Variants in JHY observed in about 807,000 individuals in gnomAD.
The protein encoded by JHY is junctional cadherin complex regulator.
Under a neutral mutation model 78.0 loss-of-function variants are expected in JHY, and 69 were observed. The observed-to-expected ratio is 0.88, with a 90% CI of 0.73 to 1.08. The LOEUF (loss-of-function observed/expected upper bound fraction) is 1.08. JHY is among the 50% of genes least tolerant of loss of function. The pLI is 0.00. For synonymous variants in JHY, 368 were observed against 342.6 expected, an observed-to-expected ratio of 1.07 and a Z score of -0.82; for missense variants, 944 against 927.8, an observed-to-expected ratio of 1.02 and a Z score of -0.23.
intron 2 of JHY, among the ~76,000 whole-genome samples, chr11:122,902,859 G>A (rs1862891472): frequency 6.6e-6 from 1 of 152,138 alleles, no homozygotes; most frequent in South Asian, 2.1e-4. Context: ...CTCCAACATT[G>A]GGGATTACAG....
intron 2 of JHY, among the ~76,000 whole-genome samples, chr11:122,902,590 A>G (rs976471346): frequency 6.6e-6 from 1 of 152,202 alleles, no homozygotes; most frequent in Non-Finnish European, 1.5e-5. Flanking sequence ...CACAGGCTCT[A>G]CAGGAAGTAT....
intron 1 of JHY, 149 bp from the exon 2 acceptor site, chr11:122,885,612 A>G (rs894507260): frequency 1.9e-5 from 8 of 428,026 alleles, no homozygotes; most frequent in African/African-American, 1.4e-4. Context: ...TTGTTTTTCT[A>G]ATAGACCTTT....
intron 2 of JHY, among the ~76,000 whole-genome samples, chr11:122,901,962 G>A (rs952433426): frequency 4.0e-5 from 6 of 151,882 alleles, no homozygotes; most frequent in Non-Finnish European, 8.8e-5. Context: ...CACAGGGTTC[G>A]AATCATCAAT....
chr11:122,923,883 A>ATTTTTTTTT (rs760512913), intron 3 of JHY, among the ~76,000 whole-genome samples: 20 of 100,504 alleles, frequency 2.0e-4, no homozygotes, highest in African/African-American at 4.5e-4. Flanking sequence ...CGCCTGGCTA[A>ATTTTTTTTT]TTTTTTTTTT....
rs747294009 is a variant in JHY, at chr11:122,959,397, A to G, written c.2289A>G (p.Glu763=). The part of the protein sequence containing the change: ...SLLEILQNRH[E]REKQAVAAFK... ...TGGAAATACTGCAGAACAGACACGA[A>G]AGGGAAAAACAGGCTGTGGCTGCTT... The change falls in exon 9 of 9, where the codon GAA becomes GAG. Residue 763 remains glutamate, a synonymous_variant. Coordinates refer to ENST00000227349, the MANE Select transcript of JHY (RefSeq NM_024806.4). 1.6e-5 allele frequency: 26 copies of G among 1,614,038 alleles called. No individual in the cohort carries two copies. Among genetic ancestry groups the G allele is most frequent in the Non-Finnish European group, 1.9e-5 (23 of 1,180,004 alleles).
chr11:122,905,259 A>G (rs1221919501), intron 3 of JHY: 3 of 1,613,900 alleles, frequency 1.9e-6, no homozygotes, highest in South Asian at 1.1e-5. Context: ...AGGTGCACAT[A>G]AAGACCTTCC....
At chr11:122,924,051 T>A (rs1863439043) in intron 3 of JHY, among the ~76,000 whole-genome samples, 1 of 152,106 alleles carries the variant, frequency 6.6e-6, no homozygotes, top group Admixed American at 6.6e-5. Context: ...TAAATTTTTT[T>A]AAATAGTAGA....
intron 3 of JHY, among the ~76,000 whole-genome samples, chr11:122,920,618 T>C (rs1329377312): frequency 6.6e-6 from 1 of 152,198 alleles, no homozygotes; most frequent in Non-Finnish European, 1.5e-5. Context: ...GAGCAAGAAG[T>C]AGCAGCCCAA....
chr11:122,916,245 C>G (rs1484244988), intron 3 of JHY, among the ~76,000 whole-genome samples: 1 of 152,122 alleles, frequency 6.6e-6, no homozygotes, highest in Non-Finnish European at 1.5e-5. Context: ...CCCCACATAT[C>G]TTGTTCAATA....
intron 4 of JHY, among the ~76,000 whole-genome samples, chr11:122,930,871 A>G (rs2135349901): frequency 6.6e-6 from 1 of 152,362 alleles, no homozygotes; most frequent in East Asian, 1.9e-4. Context: ...ACTATAGATC[A>G]GGTGGCTTAG....
chr11:122,934,934 A>G lies in JHY; in HGVS notation c.1493A>G (p.Glu498Gly), dbSNP rs1228270914. The change falls in exon 5 of 9, where the codon GAA becomes GGA. Residue 498 changes from glutamate to glycine, a missense_variant. By Grantham distance (98) the Glu-to-Gly change is moderately conservative. Transcript: ENST00000227349. Reference protein sequence around the residue: ...LSDMDLNNLNELSKRHVLLSQ... With the variant: ...LSDMDLNNLNGLSKRHVLLSQ... ...GACATGGATTTGAACAACCTTAATGAACTTTCTAAGAGACACGTGCTCCTG... is the reference window on the plus strand; with the variant it reads ...GACATGGATTTGAACAACCTTAATGGACTTTCTAAGAGACACGTGCTCCTG... The G allele has an allele frequency of 6.2e-7, 1 of 1,614,184 alleles. No homozygotes were observed. The highest frequency in any genetic ancestry group is 8.5e-7 in the Non-Finnish European group (1 of 1,180,044).
chr11:122,956,698 C>A (rs1864199372), intron 7 of JHY, 122 bp downstream of exon 7: 2 of 675,298 alleles, frequency 3.0e-6, no homozygotes, highest in Non-Finnish European at 4.8e-6. Flanking sequence ...TGAATAGAGA[C>A]CTTCTGAAAT....
In JHY at chr11:122,889,792, T is replaced by G. The variant is rs967214311; in HGVS notation, c.344+3599T>G. Among the ~76,000 whole-genome samples, 4 of 152,314 alleles carry G rather than the reference T, an allele frequency of 2.6e-5. No homozygotes were observed. In the East Asian group the frequency reaches 7.7e-4, roughly 29 times the overall value. The stretch of plus-strand genomic sequence containing the variant: ...GTTTGTTTTGGAGACAGAGTCTTGC[T>G]CTGTTGCCCAGGCTAGAGTGAAGTG... On this transcript the variant is annotated intron_variant, in intron 2 of 8. Transcript: ENST00000227349.
Position 122,934,950 on chromosome 11 carries a change from C to A in JHY, c.1509C>A (p.His503Gln). ...ACCTTAATGAACTTTCTAAGAGACACGTGCTCCTGAGCCAGAAAGGCTCTC... is the reference window on the plus strand; with the variant it reads ...ACCTTAATGAACTTTCTAAGAGACAAGTGCTCCTGAGCCAGAAAGGCTCTC... The part of the protein sequence containing the change: ...LNNLNELSKR[H>Q]VLLSQKGSQF... The change falls in exon 5 of 9, where the codon CAC becomes CAA. Residue 503 changes from histidine (H) to glutamine (Q), a missense_variant. Physicochemically the swap from His to Gln is conservative, Grantham distance 24. Coordinates refer to ENST00000227349, the MANE Select transcript of JHY (RefSeq NM_024806.4). 2 of 1,614,088 alleles carry A rather than the reference C, an allele frequency of 1.2e-6. No individual in the cohort carries two copies. The highest frequency in any genetic ancestry group is 1.7e-6 in the Non-Finnish European group (2 of 1,180,014).
At chr11:122,892,719 A>G (rs1243504337) in intron 2 of JHY, among the ~76,000 whole-genome samples, 3 of 152,198 alleles carry the variant, frequency 2.0e-5, no homozygotes, top group Non-Finnish European at 2.9e-5. Context: ...GAAGTATTGA[A>G]TGATGACTTC....
At chr11:122,885,674 T>C in intron 1 of JHY, 87 bp from the exon 2 acceptor site, 8 of 577,440 alleles carry the variant, frequency 1.4e-5, no homozygotes, top group Non-Finnish European at 1.8e-5. Flanking sequence ...TATAACAAGG[T>C]TCTCTTACTC....
At chr11:122,928,628 GT>G (rs547738051) in intron 4 of JHY, among the ~76,000 whole-genome samples, 2 of 151,750 alleles carry the variant, frequency 1.3e-5, no homozygotes, top group African/African-American at 4.8e-5. Context: ...AAGAAAGGTT[GT>G]TTTTTGTAGT....
chr11:122,926,997 A>G (rs1435386824), intron 4 of JHY: 3 of 152,248 alleles, frequency 2.0e-5, no homozygotes, highest in Non-Finnish European at 4.4e-5. Flanking sequence ...GGAAAGCCAT[A>G]GGATTCTCAG....
chr11:122,921,851 G>A (rs1863372411), intron 3 of JHY, among the ~76,000 whole-genome samples: 1 of 152,180 alleles, frequency 6.6e-6, no homozygotes, highest in Non-Finnish European at 1.5e-5. Context: ...GGGTGTGGTG[G>A]CACATGCCTG....
Sources: gnomAD v4.1 joint callset for allele counts (sites outside exome capture counted in the v4.1 genomes callset) on GRCh38, gnomAD v4.1.1 for gene constraint, MANE v1.5 for transcripts, NCBI Gene and HGNC (gene_info 2026-07-23, HGNC 2026-07-21) for gene names.